Variants in PITPNB observed in about 807,000 individuals in gnomAD.
PITPNB encodes phosphatidylinositol transfer protein beta isoform.
In PITPNB, 16 loss-of-function variants were observed where a neutral mutation model predicts 45.9. The ratio of observed to expected loss-of-function variants is 0.35; its 90% confidence interval spans 0.24 to 0.53. PITPNB has a LOEUF of 0.53. Ranked by LOEUF, PITPNB falls within the 20% of genes least tolerant of loss-of-function variation. The pLI is 0.93. For synonymous variants in PITPNB, 112 were observed against 108.9 expected, an observed-to-expected ratio of 1.03 and a Z score of -0.18; for missense variants, 188 against 330.5, an observed-to-expected ratio of 0.57 and a Z score of 3.34.
chr22:27,903,892 A>T (rs573888711), intron 3 of PITPNB, among the ~76,000 whole-genome samples: 5 of 152,190 alleles, frequency 3.3e-5, no homozygotes, highest in Non-Finnish European at 5.9e-5. Context: ...AGATGTTAAC[A>T]TCATTAATCA....
intron 3 of PITPNB, among the ~76,000 whole-genome samples, chr22:27,900,060 G>T (rs1184659845): frequency 6.6e-6 from 1 of 151,972 alleles, no homozygotes; most frequent in Non-Finnish European, 1.5e-5. Context: ...AAAATTAGCC[G>T]GGCATGGTGG....
chr22:27,870,403 C>G lies in PITPNB; in HGVS notation c.534+3335G>C, dbSNP rs565134797. Among the ~76,000 whole-genome samples, 47 of 152,276 alleles carry G rather than the reference C, an allele frequency of 3.1e-4. No individual in the cohort carries two copies. The South Asian group carries it at 9.5e-3, about 31-fold the overall frequency. On this transcript the variant is annotated intron_variant, in intron 8 of 11. Transcript: ENST00000335272. ...AAGTAAGGAAAAGTTTCAAAGAAAT[C>G]ATAGGATTTGCATTTAGCTTTGAAT...
At chr22:27,891,928 A>C (rs972540738) in intron 7 of PITPNB, among the ~76,000 whole-genome samples, 4 of 152,218 alleles carry the variant, frequency 2.6e-5, no homozygotes, top group African/African-American at 9.6e-5. Flanking sequence ...AGAGAGGCTA[A>C]CCAACTTGTC....
At chr22:27,898,149 G>C (rs1935486944) in intron 3 of PITPNB, 1 of 387,008 alleles carries the variant, frequency 2.6e-6, no homozygotes. Context: ...GCTGAGGCAG[G>C]AGGATCACTT....
chr22:27,858,515 A>G lies in PITPNB; in HGVS notation c.646-6T>C. ...GTAAATATCCGTTTTTCTTGCTTTT[A>G]AAACAACAACAAAAAAGTAGCATAA... On this transcript the variant is annotated splice_region_variant and splice_polypyrimidine_tract_variant and intron_variant, in intron 9 of 11. Transcript: ENST00000335272. The G allele has an allele frequency of 1.9e-5, 30 of 1,605,928 alleles. No homozygotes were observed. The highest frequency in any genetic ancestry group is 1.7e-4 in the Middle Eastern group (1 of 6,032).
intron 10 of PITPNB, among the ~76,000 whole-genome samples, chr22:27,857,402 G>C (rs1934203597): frequency 1.3e-5 from 2 of 152,198 alleles, no homozygotes; most frequent in Non-Finnish European, 2.9e-5. Context: ...CAGATCTGCT[G>C]TAATCACCAA....
In PITPNB at chr22:27,919,206, C is replaced by T; in HGVS notation, c.-15G>A. 1.2e-6 allele frequency: 2 copies of T among 1,611,652 alleles called. No individual in the cohort carries two copies. Among genetic ancestry groups the T allele is most frequent in the Non-Finnish European group, 1.7e-6 (2 of 1,178,284 alleles). The stretch of plus-strand genomic sequence containing the variant: ...ATCAGCACCATCTTCCCGGAACCCC[C>T]TCACAGCTGCCGCCGATACCACCGC... On this transcript the variant is annotated 5_prime_UTR_variant, in exon 1 of 12. Coordinates refer to ENST00000335272, the MANE Select transcript of PITPNB (RefSeq NM_012399.5).
chr22:27,853,726 G>A, intron 11 of PITPNB, 63 bp from the exon 12 acceptor site: 13 of 1,128,188 alleles, frequency 1.2e-5, no homozygotes, highest in Non-Finnish European at 1.6e-5. Context: ...AATGTTAGCA[G>A]CTCGTCACAC....
At chr22:27,912,240 C>A (rs1475416716) in intron 2 of PITPNB, among the ~76,000 whole-genome samples, 1 of 152,066 alleles carries the variant, frequency 6.6e-6, no homozygotes, top group Admixed American at 6.6e-5. Flanking sequence ...TGCTATCTTG[C>A]CTATTAGTTA....
intron 3 of PITPNB, among the ~76,000 whole-genome samples, chr22:27,906,259 A>C (rs1807580): frequency 1 from 152,356 of 152,356 alleles, 76,178 homozygotes; most frequent in Non-Finnish European, 1. Flanking sequence ...CAGAGACTGG[A>C]TTGCTTACAG....
intron 7 of PITPNB, among the ~76,000 whole-genome samples, chr22:27,874,192 A>G (rs947060172): frequency 1.3e-5 from 2 of 152,220 alleles, no homozygotes; most frequent in African/African-American, 4.8e-5. Flanking sequence ...CAGTTTTGAC[A>G]CTACAGGTAG....
chr22:27,903,745 C>T (rs1221177630), intron 3 of PITPNB, among the ~76,000 whole-genome samples: 1 of 135,560 alleles, frequency 7.4e-6, no homozygotes, highest in Admixed American at 7.9e-5. Context: ...AACTGCAGTC[C>T]AGCCTAGATG....
At chr22:27,898,537 GTTC>G (rs1935499636) in intron 3 of PITPNB, among the ~76,000 whole-genome samples, 1 of 151,852 alleles carries the variant, frequency 6.6e-6, no homozygotes, top group Admixed American at 6.6e-5. Flanking sequence ...ATACAATGTA[GTTC>G]TTAAGAGTTA....
Position 27,852,382 on chromosome 22 carries a change from CCTAG to C in PITPNB, c.*1316_*1319del, listed in dbSNP as rs1282963684. 1.3e-4 allele frequency: 20 copies of C among 152,150 alleles called. No homozygotes were observed. The highest frequency in any genetic ancestry group is 1.1e-3 in the Admixed American group (17 of 15,274). 9.4% of individuals were successfully genotyped at this position (152,150 alleles called of 1,614,324 possible). A position where few individuals can be genotyped will look rare whatever the true frequency, so the allele number is the denominator to read the frequency against. On this transcript the variant is annotated 3_prime_UTR_variant, in exon 12 of 12. Coordinates refer to ENST00000335272, the MANE Select transcript of PITPNB (RefSeq NM_012399.5). ...ACAGAGAAAGCTGATAAAAATCTTA[CCTAG>C]CTATTGTTCCTTCCTTTAAATAAAA...
intron 7 of PITPNB, among the ~76,000 whole-genome samples, chr22:27,893,583 T>TC (rs1935350160): frequency 3.7e-5 from 3 of 80,690 alleles, no homozygotes; most frequent in Non-Finnish European, 7.9e-5. Flanking sequence ...ATGTCTAGCC[T>TC]TTTTTTTTTT....
chr22:27,890,422 G>C (rs902220941), intron 7 of PITPNB, among the ~76,000 whole-genome samples: 2 of 151,480 alleles, frequency 1.3e-5, no homozygotes, highest in Non-Finnish European at 2.9e-5. Flanking sequence ...TATCCCCCAA[G>C]ACAGCACATT....
At chr22:27,871,876 G>GATA (rs1207663113) in intron 8 of PITPNB, among the ~76,000 whole-genome samples, 2 of 151,976 alleles carry the variant, frequency 1.3e-5, no homozygotes, top group Non-Finnish European at 2.9e-5. Context: ...TCCCCTTGGT[G>GATA]ATAAGTGAGC....
intron 7 of PITPNB, among the ~76,000 whole-genome samples, chr22:27,883,477 T>C (rs540106531): frequency 1.3e-4 from 20 of 152,346 alleles, no homozygotes; most frequent in Middle Eastern, 3.4e-3. Flanking sequence ...TAATGTATAC[T>C]AGAATGCAGC....
chr22:27,876,666 C>G (rs945053709), intron 7 of PITPNB, among the ~76,000 whole-genome samples: 2 of 152,182 alleles, frequency 1.3e-5, no homozygotes, highest in Admixed American at 1.3e-4. Flanking sequence ...TACATTTTCA[C>G]TATTGGGTAT....
Sources: gnomAD v4.1 joint callset for allele counts (sites outside exome capture counted in the v4.1 genomes callset) on GRCh38, gnomAD v4.1.1 for gene constraint, MANE v1.5 for transcripts, NCBI Gene and HGNC (gene_info 2026-07-23, HGNC 2026-07-21) for gene names.